The following DGKH variants were observed in gnomAD, a reference collection of about 807,000 sequenced individuals.
DGKH encodes the protein diacylglycerol kinase eta, also known as DAG kinase eta.
A neutral mutation model predicts 159.3 loss-of-function variants in DGKH; 90 were observed. That is an observed-to-expected ratio of 0.57 (90% CI 0.48 to 0.67). The LOEUF is 0.67. Ranked by LOEUF, DGKH falls within the 30% of genes least tolerant of loss-of-function variation. DGKH has a pLI of 0.00. For missense variants in DGKH, 1,181 were observed against 1,506.1 expected (o/e 0.78, Z 3.57); for synonymous variants, 536 against 553.8 (o/e 0.97, Z 0.45).
chr13:42,135,000 T>C (rs1955371224), intron 3 of DGKH, among the ~76,000 whole-genome samples: 1 of 151,944 alleles, frequency 6.6e-6, no homozygotes, highest in Non-Finnish European at 1.5e-5. Context: ...GAAACAGATA[T>C]GACAAATTTA....
intron 1 of DGKH, among the ~76,000 whole-genome samples, chr13:42,076,132 C>T (rs902632537): frequency 5.9e-5 from 9 of 151,962 alleles, no homozygotes; most frequent in African/African-American, 2.2e-4. Flanking sequence ...AAAATTTAGT[C>T]TATGATTTTT....
At chr13:42,189,735 C>T (rs67462156) in intron 15 of DGKH, among the ~76,000 whole-genome samples, 18,138 of 152,156 alleles carry the variant, frequency 0.12, 1,539 homozygotes, top group East Asian at 0.4. Context: ...GGCGTGATCT[C>T]AGCTCACTGC....
At chr13:42,165,283 C>T (rs1956282906) in intron 7 of DGKH, 48 bp from the exon 8 acceptor site, 3 of 1,030,114 alleles carry the variant, frequency 2.9e-6, no homozygotes, top group Non-Finnish European at 4.2e-6. Flanking sequence ...TTTATAATGG[C>T]AGAACATTAT....
chr13:42,111,993 C>T (rs1954871390), intron 1 of DGKH, among the ~76,000 whole-genome samples: 1 of 152,208 alleles, frequency 6.6e-6, no homozygotes, highest in South Asian at 2.1e-4. Flanking sequence ...CTGGGCTTCA[C>T]CCTGGCATGC....
chr13:42,078,909 C>CTTTTTTTTTTT (rs55801562), intron 1 of DGKH, among the ~76,000 whole-genome samples: 1 of 93,576 alleles, frequency 1.1e-5, no homozygotes, highest in African/African-American at 4.9e-5. Flanking sequence ...GTATATTCTC[C>CTTTTTTTTTTT]TTTTTTTTTT....
intron 3 of DGKH, among the ~76,000 whole-genome samples, chr13:42,152,650 G>A (rs1955937146): frequency 8.4e-6 from 1 of 119,246 alleles, no homozygotes; most frequent in African/African-American, 2.6e-5. Flanking sequence ...AGCTGCACAG[G>A]GACCTCTTTA....
At chr13:42,135,798 A>G (rs1955392083) in intron 3 of DGKH, among the ~76,000 whole-genome samples, 1 of 152,146 alleles carries the variant, frequency 6.6e-6, no homozygotes, top group Admixed American at 6.6e-5. Flanking sequence ...AGACCTCCTG[A>G]TGTTTAATCT....
At chr13:42,103,770 G>A (rs1954694816) in intron 1 of DGKH, among the ~76,000 whole-genome samples, 1 of 152,190 alleles carries the variant, frequency 6.6e-6, no homozygotes, top group African/African-American at 2.4e-5. Flanking sequence ...AATAGAGTCA[G>A]CATTCCCTAA....
intron 29 of DGKH, among the ~76,000 whole-genome samples, chr13:42,222,255 A>G (rs996207609): frequency 6.6e-6 from 1 of 152,204 alleles, no homozygotes; most frequent in Non-Finnish European, 1.5e-5. Context: ...GATCCCTTTC[A>G]TGTAGACCAA....
rs1443641364 is a variant in DGKH at position 42,237,204 on chromosome 13, G to A, written c.*8016G>A. On this transcript the variant is annotated 3_prime_UTR_variant, in exon 30 of 30. Coordinates refer to ENST00000337343, the MANE Select transcript of DGKH (RefSeq NM_178009.5). ...AAAAACTGTTTTGACTTAATGTGAA[G>A]CAGGGGTTTACCAAAGAAAATTGCT... is the stretch of plus-strand genomic sequence containing the variant. 1.3e-5 allele frequency: 2 copies of A among 152,182 alleles called. No homozygotes were observed. The highest frequency in any genetic ancestry group is 4.8e-5 in the African/African-American group (2 of 41,452). 9.4% of individuals were successfully genotyped at this position (152,182 alleles called of 1,614,324 possible). A position where few individuals can be genotyped will look rare whatever the true frequency, so the allele number is the denominator to read the frequency against.
chr13:42,093,549 T>G (rs1954463760), intron 1 of DGKH, among the ~76,000 whole-genome samples: 2 of 152,204 alleles, frequency 1.3e-5, no homozygotes, highest in Admixed American at 1.3e-4. Flanking sequence ...TAAAGTGATA[T>G]TTATACATCT....
intron 5 of DGKH, among the ~76,000 whole-genome samples, chr13:42,157,664 C>G (rs1264383235): frequency 6.6e-6 from 1 of 151,878 alleles, no homozygotes; most frequent in Non-Finnish European, 1.5e-5. Flanking sequence ...TCATTTATAA[C>G]AAAAATGGTG....
chr13:42,094,253 A>C (rs1448964155), intron 1 of DGKH, among the ~76,000 whole-genome samples: 3 of 152,200 alleles, frequency 2.0e-5, no homozygotes, highest in African/African-American at 7.2e-5. Flanking sequence ...CTGTACCCTA[A>C]AACTTAAAGT....
At chr13:42,248,511 A>G (rs1958597814) in intron 29 of DGKH, among the ~76,000 whole-genome samples, 1 of 147,180 alleles carries the variant, frequency 6.8e-6, no homozygotes, top group East Asian at 1.9e-4. Context: ...TAATTAAATA[A>G]TATATATTTA....
chr13:42,113,711 C>G (rs1459769308), intron 1 of DGKH, among the ~76,000 whole-genome samples: 1 of 152,266 alleles, frequency 6.6e-6, no homozygotes, highest in East Asian at 1.9e-4. Flanking sequence ...CAAATGACTT[C>G]CCTTCCAGAC....
At chr13:42,129,857 C>G (rs1280168405) in intron 3 of DGKH, among the ~76,000 whole-genome samples, 1 of 152,132 alleles carries the variant, frequency 6.6e-6, no homozygotes, top group Non-Finnish European at 1.5e-5. Flanking sequence ...TATAATTTTT[C>G]CCTTTTAATT....
intron 1 of DGKH, among the ~76,000 whole-genome samples, chr13:42,107,447 G>A (rs1216157060): frequency 6.6e-6 from 1 of 152,202 alleles, no homozygotes; most frequent in Non-Finnish European, 1.5e-5. Context: ...GAATTAAAGG[G>A]CTTTGCCTTG....
intron 29 of DGKH, among the ~76,000 whole-genome samples, chr13:42,223,372 T>A (rs1342022453): frequency 2.0e-5 from 3 of 152,198 alleles, no homozygotes; most frequent in Non-Finnish European, 4.4e-5. Flanking sequence ...TTTTGGATTA[T>A]AGCACCAACC....
intron 16 of DGKH, among the ~76,000 whole-genome samples, chr13:42,194,595 G>A (rs1006833057): frequency 6.6e-6 from 1 of 152,118 alleles, no homozygotes; most frequent in African/African-American, 2.4e-5. Flanking sequence ...GACTTCAAAA[G>A]CTTCATTTAT....
Sources: gnomAD v4.1 joint callset for allele counts (sites outside exome capture counted in the v4.1 genomes callset) on GRCh38, gnomAD v4.1.1 for gene constraint, MANE v1.5 for transcripts, NCBI Gene and HGNC (gene_info 2026-07-23, HGNC 2026-07-21) for gene names.